ESRRB: variants seen among roughly 807,000 people sequenced by gnomAD.
ESRRB encodes the protein steroid hormone receptor ERR2.
Under a neutral mutation model 46.0 loss-of-function variants are expected in ESRRB, and 16 were observed. The observed-to-expected ratio is 0.35, with a 90% CI of 0.24 to 0.53. The LOEUF (loss-of-function observed/expected upper bound fraction) is 0.53, where lower values mean the gene tolerates loss of function less well. Among genes scored for constraint, ESRRB ranks in the 20% least tolerant of loss-of-function variants. The pLI is 0.93. For synonymous variants in ESRRB, 246 were observed against 259.6 expected (o/e 0.95, Z 0.50); for missense variants, 488 against 607.4 (o/e 0.80, Z 2.07).
intron 1 of ESRRB, among the ~76,000 whole-genome samples, chr14:76,352,011 C>CAAAAAAAAAAAAAAA: frequency 1.4e-4 from 15 of 109,034 alleles, no homozygotes; most frequent in East Asian, 1.2e-3. Flanking sequence ...AAAAAAAAAG[C>CAAAAAAAAAAAAAAA]AAACTCCAAG....
chr14:76,447,721 C>A lies in ESRRB; in HGVS notation c.460+7971C>A, dbSNP rs1888210835. 3.9e-5 allele frequency among the ~76,000 whole-genome samples: 6 copies of A among 152,098 alleles called. No homozygotes were observed. In the South Asian group the frequency reaches 1.2e-3, roughly 32 times the overall value. Reference sequence around the variant, plus strand: ...TCTGCTTCCTGTCCCAGCGCCCACCCCCCTACCACCCCGAACTAACATCCC... The same window carrying A: ...TCTGCTTCCTGTCCCAGCGCCCACCACCCTACCACCCCGAACTAACATCCC... On this transcript the variant is annotated intron_variant, in intron 2 of 6. Coordinates refer to ENST00000644823, the MANE Select transcript of ESRRB (RefSeq NM_001379180.1).
intron 1 of ESRRB, among the ~76,000 whole-genome samples, chr14:76,336,335 G>C (rs559338224): frequency 6.6e-6 from 1 of 152,268 alleles, no homozygotes; most frequent in African/African-American, 2.4e-5. Context: ...ACCAAGTCTT[G>C]GCTGAGTGGT....
At chr14:76,357,062 C>G (rs1209742002) in intron 1 of ESRRB, among the ~76,000 whole-genome samples, 1 of 152,130 alleles carries the variant, frequency 6.6e-6, no homozygotes, top group Admixed American at 6.6e-5. Context: ...CAAGCTATAG[C>G]CCAGCTAATG....
upstream of ESRRB, among the ~76,000 whole-genome samples, chr14:76,370,286 T>C (rs1170517025): frequency 2.7e-5 from 4 of 150,478 alleles, no homozygotes; most frequent in African/African-American, 4.9e-5. Context: ...TAATCCCAGC[T>C]ACTTGGGAGG....
intron 3 of ESRRB, among the ~76,000 whole-genome samples, chr14:76,473,967 G>A (rs1381062596): frequency 6.6e-6 from 1 of 152,206 alleles, no homozygotes; most frequent in African/African-American, 2.4e-5. Flanking sequence ...CCACAGGCAC[G>A]AGGGGCACCA....
intron 1 of ESRRB, among the ~76,000 whole-genome samples, chr14:76,407,956 T>A (rs1396388717): frequency 1.3e-5 from 2 of 152,226 alleles, no homozygotes; most frequent in Admixed American, 6.5e-5. Context: ...TGCCGGGTCC[T>A]GGCAGCCCAG....
intron 6 of ESRRB, among the ~76,000 whole-genome samples, chr14:76,492,264 A>C (rs1053183291): frequency 6.6e-6 from 1 of 152,208 alleles, no homozygotes; most frequent in African/African-American, 2.4e-5. Context: ...TTTGGGCTCA[A>C]GCCATCCTCC....
chr14:76,387,059 C>T lies in ESRRB; in HGVS notation c.50+10608C>T, dbSNP rs140559101. ...AGCAGCAGCTCTCCCTACCTCCCCACACAAGGACAGGAGGCTGACCCTTGT... is the reference window on the plus strand; with the variant it reads ...AGCAGCAGCTCTCCCTACCTCCCCATACAAGGACAGGAGGCTGACCCTTGT... On this transcript the variant is annotated intron_variant, in intron 1 of 6. Coordinates refer to ENST00000644823, the MANE Select transcript of ESRRB (RefSeq NM_001379180.1). Among the ~76,000 whole-genome samples, 903 of 152,280 alleles carry T rather than the reference C, an allele frequency of 5.9e-3. 9 individuals carry two copies. Among genetic ancestry groups the T allele is most frequent in the African/African-American group, 0.021 (865 of 41,554 alleles).
chr14:76,380,103 C>G (rs573253183), intron 1 of ESRRB, among the ~76,000 whole-genome samples: 57 of 152,232 alleles, frequency 3.7e-4, no homozygotes, highest in African/African-American at 1.3e-3. Context: ...TGCGTGTGCT[C>G]CATTCATATT....
intron 1 of ESRRB, among the ~76,000 whole-genome samples, chr14:76,392,386 G>A (rs1885506224): frequency 1.3e-5 from 2 of 152,134 alleles, no homozygotes; most frequent in African/African-American, 4.8e-5. Flanking sequence ...TGCTGTTTTA[G>A]CATTTGATGC....
rs147949234 is a variant in ESRRB at position 76,453,879 on chromosome 14, C to G, written c.461-8666C>G. ...CACTGGCCGTGGCCTCCCAAAGTGC[C>G]TGGATTACAGGTGTGAGCCTAATCG... On this transcript the variant is annotated intron_variant, in intron 2 of 6. Transcript: ENST00000644823. 8.0e-4 allele frequency among the ~76,000 whole-genome samples: 121 copies of G among 152,192 alleles called. No homozygotes were observed. In the East Asian group the frequency reaches 0.013, roughly 17 times the overall value.
At chr14:76,335,874 A>G (rs1461110333) in intron 1 of ESRRB, among the ~76,000 whole-genome samples, 1 of 152,208 alleles carries the variant, frequency 6.6e-6, no homozygotes, top group East Asian at 1.9e-4. Context: ...GGTGCTAAGC[A>G]CTTTGCTGGC....
chr14:76,386,176 G>A (rs1885219439), intron 1 of ESRRB, among the ~76,000 whole-genome samples: 1 of 152,156 alleles, frequency 6.6e-6, no homozygotes, highest in African/African-American at 2.4e-5. Flanking sequence ...TACAGTTTGG[G>A]ATGGAGAGGA....
chr14:76,430,394 C>T (rs758741797), intron 1 of ESRRB, among the ~76,000 whole-genome samples: 1 of 152,186 alleles, frequency 6.6e-6, no homozygotes, highest in Admixed American at 6.5e-5. Flanking sequence ...TGTTTATCCT[C>T]TTAATTTGCC....
At chr14:76,491,395 CT>C in intron 5 of ESRRB, 51 bp from the exon 6 acceptor site, 1 of 1,589,358 alleles carries the variant, frequency 6.3e-7, no homozygotes, top group Non-Finnish European at 8.6e-7. Flanking sequence ...AGGGAGGCCC[CT>C]GGTCCGCCCT....
At chr14:76,478,939 C>T (rs368784937) in intron 3 of ESRRB, among the ~76,000 whole-genome samples, 40 of 152,244 alleles carry the variant, frequency 2.6e-4, no homozygotes, top group East Asian at 1.2e-3. Context: ...CACATAGGTT[C>T]AGGTCTGGAG....
intron 1 of ESRRB, among the ~76,000 whole-genome samples, chr14:76,423,142 C>CTTTT (rs397853103): frequency 4.4e-5 from 5 of 112,806 alleles, no homozygotes; most frequent in Non-Finnish European, 7.1e-5. Context: ...CTTTCATAAC[C>CTTTT]TTTTTTTTTT....
intron 2 of ESRRB, among the ~76,000 whole-genome samples, chr14:76,461,808 G>C (rs973966408): frequency 6.6e-6 from 1 of 152,168 alleles, no homozygotes; most frequent in Non-Finnish European, 1.5e-5. Context: ...ACTGTACCCG[G>C]CCTGGTAGCC....
intron 3 of ESRRB, among the ~76,000 whole-genome samples, chr14:76,475,918 C>T (rs1227505286): frequency 6.6e-6 from 1 of 152,174 alleles, no homozygotes; most frequent in Admixed American, 6.5e-5. Context: ...AGAAATAATA[C>T]AGAGAGATGC....
Sources: gnomAD v4.1 joint callset for allele counts (sites outside exome capture counted in the v4.1 genomes callset) on GRCh38, gnomAD v4.1.1 for gene constraint, MANE v1.5 for transcripts, NCBI Gene and HGNC (gene_info 2026-07-23, HGNC 2026-07-21) for gene names.